Variants in SH2D1A observed in about 807,000 individuals in gnomAD.
The protein encoded by SH2D1A is SH2 domain containing 1A.
A neutral mutation model predicts 10.1 loss-of-function variants in SH2D1A; 6 were observed. The ratio of observed to expected loss-of-function variants is 0.60; its 90% CI spans 0.33 to 1.18. The LOEUF is 1.18. SH2D1A is among the 50% of genes most tolerant of loss of function. SH2D1A has a pLI of 0.04. For missense variants in SH2D1A, 51 were observed against 97.6 expected (o/e 0.52, Z 2.01); for synonymous variants, 42 against 36.9 (o/e 1.14, Z -0.51).
intron 1 of SH2D1A, 59 bp from the exon 2 acceptor site, chrX:124,365,702 T>G: frequency 1.3e-6 from 1 of 767,590 alleles, no homozygotes; most frequent in Non-Finnish European, 2.0e-6. Flanking sequence ...TAAGCTCAAA[T>G]TTAAAGTATC....
chrX:124,364,266 T>C, intron 1 of SH2D1A: 1 of 175,754 alleles, frequency 5.7e-6, no homozygotes, highest in South Asian at 8.6e-5. Flanking sequence ...CCTAGGCTAA[T>C]GTGCGTATTT....
In SH2D1A at chrX:124,371,509, C is replaced by T. The variant is rs2060069173; in HGVS notation, c.*118C>T. Reference sequence around the variant, plus strand: ...ATGCATTTCTAAAGCCATTGTAGTCCTGTAATGGAAGCATCTAGCATGTCG... The same window carrying T: ...ATGCATTTCTAAAGCCATTGTAGTCTTGTAATGGAAGCATCTAGCATGTCG... On this transcript the variant is annotated 3_prime_UTR_variant, in exon 4 of 4. Coordinates refer to ENST00000371139, the MANE Select transcript of SH2D1A (RefSeq NM_002351.5). 2.2e-6 allele frequency: 1 copy of T among 454,594 alleles called. No individual in the cohort carries two copies. The highest frequency in any genetic ancestry group is 3.6e-6 in the Non-Finnish European group (1 of 275,072). The allele number at this position is 454,594 out of a possible 1,213,427, so 37.5% of individuals were successfully genotyped here.
chrX:124,367,104 AAAG>A (rs1470299697), intron 2 of SH2D1A, among the ~76,000 whole-genome samples: 6 of 111,860 alleles, frequency 5.4e-5, no homozygotes, highest in Non-Finnish European at 7.5e-5. Context: ...TGATCATGTT[AAAG>A]AAGAGAGGGC....
intron 1 of SH2D1A, among the ~76,000 whole-genome samples, chrX:124,348,198 T>G (rs1477906458): frequency 8.9e-6 from 1 of 111,783 alleles, no homozygotes; most frequent in Non-Finnish European, 1.9e-5. Context: ...TATGTTTTGC[T>G]TATATAATTA....
intron 1 of SH2D1A, among the ~76,000 whole-genome samples, chrX:124,353,639 A>G (rs1450871711): frequency 9.0e-6 from 1 of 111,668 alleles, no homozygotes; most frequent in Non-Finnish European, 1.9e-5. Context: ...GATGGTGATA[A>G]GACGAGAACT....
intron 1 of SH2D1A, among the ~76,000 whole-genome samples, chrX:124,352,424 T>A (rs1254335708): frequency 1.8e-5 from 2 of 111,658 alleles, no homozygotes; most frequent in East Asian, 5.5e-4. Flanking sequence ...GCTATTCTTA[T>A]CTGTTGGTTC....
At chrX:124,367,507 G>A (rs938158092) in intron 2 of SH2D1A, 6 of 112,061 alleles carry the variant, frequency 5.4e-5, no homozygotes, top group African/African-American at 1.9e-4. Context: ...AGAGTTGTCA[G>A]TGGTACAATT....
chrX:124,367,086 C>T (rs1035333062), intron 2 of SH2D1A, among the ~76,000 whole-genome samples: 1 of 111,445 alleles, frequency 9.0e-6, no homozygotes, highest in Admixed American at 9.5e-5. Context: ...GAGATTGTTA[C>T]ATGCTTGTGA....
chrX:124,365,494 T>G (rs776992553), intron 1 of SH2D1A, among the ~76,000 whole-genome samples: 2 of 110,729 alleles, frequency 1.8e-5, no homozygotes, highest in African/African-American at 6.5e-5. Flanking sequence ...TCTGTCCAAA[T>G]GGTCTCTCAA....
intron 3 of SH2D1A, among the ~76,000 whole-genome samples, chrX:124,371,021 TGA>T (rs774141284): frequency 8.9e-6 from 1 of 111,920 alleles, no homozygotes; most frequent in African/African-American, 3.2e-5. Context: ...TAAATATTTA[TGA>T]TAAAAGAAAA....
intron 2 of SH2D1A, among the ~76,000 whole-genome samples, chrX:124,368,099 G>A (rs755089015): frequency 9.0e-6 from 1 of 111,539 alleles, no homozygotes; most frequent in Admixed American, 9.5e-5. Flanking sequence ...CTGTTAGCAT[G>A]GATAATCAAG....
rs72610640 is a variant in SH2D1A, at chrX:124,346,690, C to A, written c.48C>A (p.Gly16=). 333 of 1,210,012 alleles carry A rather than the reference C, an allele frequency of 2.8e-4. 7 individuals are homozygous for A. The East Asian group carries it at 7.9e-3, about 29-fold the overall frequency. ...ATGGCAAAATCAGCAGGGAAACCGG[C>A]GAGAAGCTCCTGCTTGCCACTGGGC... ...VYHGKISRET[G]EKLLLATGLD... is the part of the protein sequence containing the mutation. The change falls in exon 1 of 4, where the codon GGC becomes GGA. Residue 16 remains glycine, a synonymous_variant. Coordinates refer to ENST00000371139, the MANE Select transcript of SH2D1A (RefSeq NM_002351.5).
intron 1 of SH2D1A, among the ~76,000 whole-genome samples, chrX:124,361,771 T>C (rs2060040704): frequency 8.9e-6 from 1 of 112,337 alleles, no homozygotes; most frequent in African/African-American, 3.2e-5. Context: ...AGGAGATTTC[T>C]GAGCAAAAAG....
At chrX:124,357,145 C>A (rs2060028449) in intron 1 of SH2D1A, among the ~76,000 whole-genome samples, 1 of 111,642 alleles carries the variant, frequency 9.0e-6, no homozygotes, top group Admixed American at 9.6e-5. Context: ...ACCCTGCACG[C>A]CCCTACGAGC....
intron 1 of SH2D1A, among the ~76,000 whole-genome samples, chrX:124,351,217 T>A (rs2060014266): frequency 9.5e-6 from 1 of 105,778 alleles, no homozygotes; most frequent in Admixed American, 1.1e-4. Flanking sequence ...TATGTAATGT[T>A]CTTAGAGACA....
At chrX:124,362,997 CTT>C (rs1174016072) in intron 1 of SH2D1A, among the ~76,000 whole-genome samples, 1 of 111,127 alleles carries the variant, frequency 9.0e-6, no homozygotes, top group South Asian at 3.8e-4. Flanking sequence ...CAAAATGAAA[CTT>C]ATGTTGCTGG....
chrX:124,370,441 G>T, intron 3 of SH2D1A, 121 bp downstream of exon 3: 1 of 587,062 alleles, frequency 1.7e-6, no homozygotes. Flanking sequence ...AGTAGATGTA[G>T]CCAGCAAGTC....
At chrX:124,368,283 C>T (rs992496492) in intron 2 of SH2D1A, among the ~76,000 whole-genome samples, 1 of 110,469 alleles carries the variant, frequency 9.1e-6, no homozygotes, top group Non-Finnish European at 1.9e-5. Flanking sequence ...CCCAAGTAGC[C>T]GGGATTGCCA....
Position 124,372,914 on chromosome X carries a change from A to T in SH2D1A, c.*1523A>T, listed in dbSNP as rs1038285191. ...AAAGCATCACATGAACTTGTAAAGGAATTTAAAAATCCTACTTTCATAATA... is the reference window on the plus strand; with the variant it reads ...AAAGCATCACATGAACTTGTAAAGGTATTTAAAAATCCTACTTTCATAATA... On this transcript the variant is annotated 3_prime_UTR_variant, in exon 4 of 4. Coordinates refer to ENST00000371139, the MANE Select transcript of SH2D1A (RefSeq NM_002351.5). 1 of 156,471 alleles carries T rather than the reference A, an allele frequency of 6.4e-6. No homozygotes were observed. The highest frequency in any genetic ancestry group is 1.2e-5 in the Non-Finnish European group (1 of 80,429). 12.9% of individuals were successfully genotyped at this position (156,471 alleles called of 1,213,427 possible).
Sources: gnomAD v4.1 joint callset for allele counts (sites outside exome capture counted in the v4.1 genomes callset) on GRCh38, gnomAD v4.1.1 for gene constraint, MANE v1.5 for transcripts, NCBI Gene and HGNC (gene_info 2026-07-23, HGNC 2026-07-21) for gene names.